The following CPNE4 variants were observed in gnomAD, a reference collection of about 807,000 sequenced individuals.
CPNE4 encodes copine-4.
A neutral mutation model predicts 67.9 loss-of-function variants in CPNE4; 25 were observed. The ratio of observed to expected loss-of-function variants is 0.37; its 90% CI spans 0.27 to 0.51. The LOEUF (loss-of-function observed/expected upper bound fraction) is 0.51, where lower values mean the gene tolerates loss of function less well. CPNE4 is among the 20% of genes least tolerant of loss of function. CPNE4 has a pLI of 0.93. For synonymous variants in CPNE4, 242 were observed against 244.9 expected (o/e 0.99, Z 0.11); for missense variants, 464 against 690.8 (o/e 0.67, Z 3.68).
chr3:131,907,482 C>T (rs1256014196), intron 1 of CPNE4, among the ~76,000 whole-genome samples: 1 of 136,308 alleles, frequency 7.3e-6, no homozygotes, highest in African/African-American at 2.8e-5. Flanking sequence ...GGCTATGCCT[C>T]AGCATTACGC....
Position 132,034,989 on chromosome 3 carries a change from T to A in CPNE4, c.-424A>T. ...CGGGTGGCGGGGAGATGGCAGCTTCTCACAGAGAGATTTCCACCTTCTGAC... is the reference window on the plus strand; with the variant it reads ...CGGGTGGCGGGGAGATGGCAGCTTCACACAGAGAGATTTCCACCTTCTGAC... On this transcript the variant is annotated 5_prime_UTR_variant, in exon 1 of 16. Transcript: ENST00000429747. 1 of 985,154 alleles carries A rather than the reference T, an allele frequency of 1.0e-6. No individual in the cohort carries two copies. Among genetic ancestry groups the A allele is most frequent in the Non-Finnish European group, 1.2e-6 (1 of 830,054 alleles). The allele number at this position is 985,154 out of a possible 1,614,324, so 61.0% of individuals were successfully genotyped here.
rs1399633464 is a variant in CPNE4, at chr3:131,669,708, A to G, written c.648T>C (p.Ser216=). The G allele has an allele frequency of 6.2e-7, 1 of 1,613,854 alleles. No homozygotes were observed. Among genetic ancestry groups the G allele is most frequent in the African/African-American group, 1.3e-5 (1 of 74,936 alleles). ...AWKSFKVSVN[S]LCSGDPDRRL... The stretch of plus-strand genomic sequence containing the variant: ...GGCGGTCTGGGTCTCCGCTGCATAG[A>G]GAATTTACAGATACTTTGAATGATT... Residue 216 remains serine, a synonymous_variant, in exon 7 of 16, where the codon TCT becomes TCC. Coordinates refer to ENST00000429747, the MANE Select transcript of CPNE4 (RefSeq NM_130808.3).
chr3:131,900,680 T>A (rs760021315), intron 2 of CPNE4, among the ~76,000 whole-genome samples: 23 of 152,210 alleles, frequency 1.5e-4, no homozygotes, highest in Non-Finnish European at 2.9e-4. Context: ...TGTTGCTTTT[T>A]CACAGAGCTA....
rs372786642 is a variant in CPNE4 at position 131,684,242 on chromosome 3, GC to G, written c.591+1632del. ...GATGATTAGTGGAGGCTTCTATTTG[GC>G]CATCTTGCTCTATTTCCCTCAAAAG... is the stretch of plus-strand genomic sequence containing the variant. On this transcript the variant is annotated intron_variant, in intron 6 of 15. Transcript: ENST00000429747. Among the ~76,000 whole-genome samples, 553 of 152,174 alleles carry G rather than the reference GC, an allele frequency of 3.6e-3. 5 individuals carry two copies. Among genetic ancestry groups the G allele is most frequent in the African/African-American group, 0.013 (526 of 41,504 alleles).
intron 2 of CPNE4, among the ~76,000 whole-genome samples, chr3:131,788,452 G>T (rs921926572): frequency 2.0e-5 from 3 of 152,068 alleles, no homozygotes; most frequent in African/African-American, 7.2e-5. Flanking sequence ...TTTTAAAACC[G>T]AGGGGAAAGT....
intron 13 of CPNE4, among the ~76,000 whole-genome samples, chr3:131,551,535 A>T (rs1936172826): frequency 6.6e-6 from 1 of 152,064 alleles, no homozygotes; most frequent in African/African-American, 2.4e-5. Flanking sequence ...TCTAATCCAT[A>T]ATAAACTGAG....
At chr3:131,613,147 G>A (rs1327249523) in intron 7 of CPNE4, among the ~76,000 whole-genome samples, 2 of 152,286 alleles carry the variant, frequency 1.3e-5, no homozygotes, top group Non-Finnish European at 2.9e-5. Flanking sequence ...TGAAAACAGA[G>A]TACATCTGAG....
At chr3:131,627,193 C>CAA (rs57977015) in intron 7 of CPNE4, among the ~76,000 whole-genome samples, 7,620 of 68,168 alleles carry the variant, frequency 0.11, 516 homozygotes, top group East Asian at 0.22. Context: ...GACTCCATCT[C>CAA]AAAAAAAAAA....
intron 7 of CPNE4, among the ~76,000 whole-genome samples, chr3:131,606,632 A>C (rs1238248755): frequency 6.6e-6 from 1 of 152,066 alleles, no homozygotes; most frequent in Non-Finnish European, 1.5e-5. Context: ...TTGGGCACAA[A>C]ATCATCAGGA....
intron 3 of CPNE4, among the ~76,000 whole-genome samples, chr3:131,708,971 T>G (rs1370006474): frequency 3.4e-5 from 3 of 89,282 alleles, no homozygotes; most frequent in African/African-American, 1.5e-4. Flanking sequence ...TATATATATA[T>G]ATATATATAT....
intron 7 of CPNE4, among the ~76,000 whole-genome samples, chr3:131,653,764 T>C (rs6766639): frequency 0.24 from 37,172 of 152,158 alleles, 5,809 homozygotes; most frequent in African/African-American, 0.45. Context: ...GTTCAAGTTC[T>C]TGGCTTAGAC....
chr3:132,034,551 G>C lies in CPNE4; in HGVS notation c.-2+16C>G. 4 of 978,272 alleles carry C rather than the reference G, an allele frequency of 4.1e-6. No homozygotes were observed. Among genetic ancestry groups the C allele is most frequent in the Non-Finnish European group, 4.9e-6 (4 of 823,410 alleles). The allele number at this position is 978,272 out of a possible 1,614,324, so 60.6% of individuals were successfully genotyped here. A position where few individuals can be genotyped will look rare whatever the true frequency, so the allele number is the denominator to read the frequency against. On this transcript the variant is annotated intron_variant, in intron 1 of 15. Transcript: ENST00000429747. ...CGCCCCAGGAACACAGGAATGAAGA[G>C]TTGGCATTTACTTACCTGGGTGTGC...
At chr3:131,567,420 AC>A (rs1371157062) in intron 10 of CPNE4, among the ~76,000 whole-genome samples, 1 of 152,000 alleles carries the variant, frequency 6.6e-6, no homozygotes, top group Non-Finnish European at 1.5e-5. Flanking sequence ...ATAGAAAAAA[AC>A]ATATCAGAGC....
chr3:131,831,226 A>G (rs2085356685), intron 2 of CPNE4, among the ~76,000 whole-genome samples: 1 of 152,146 alleles, frequency 6.6e-6, no homozygotes, highest in South Asian at 2.1e-4. Flanking sequence ...ATGGCACAGA[A>G]TGAATATTGA....
intron 10 of CPNE4, among the ~76,000 whole-genome samples, chr3:131,567,179 A>G (rs1937103927): frequency 6.6e-6 from 1 of 151,964 alleles, no homozygotes. Flanking sequence ...TCTTGATATA[A>G]AACTAGACAA....
chr3:131,729,170 T>C lies in CPNE4; in HGVS notation c.181-5545A>G, dbSNP rs2107757486. On this transcript the variant is annotated intron_variant, in intron 2 of 15. Coordinates refer to ENST00000429747, the MANE Select transcript of CPNE4 (RefSeq NM_130808.3). ...CAGGCCCTTATCATCCCATGGGTAA[T>C]AGGTCTTGGTAAAGAATGACATCAT... Among the ~76,000 whole-genome samples, 2 of 152,218 alleles carry C rather than the reference T, an allele frequency of 1.3e-5. 1 individual carries two copies. Among genetic ancestry groups the C allele is most frequent in the South Asian group, 4.1e-4 (2 of 4,826 alleles).
intron 7 of CPNE4, among the ~76,000 whole-genome samples, chr3:131,596,699 A>G (rs1393077592): frequency 6.6e-6 from 1 of 151,838 alleles, no homozygotes; most frequent in Admixed American, 6.6e-5. Context: ...GCCTGATACA[A>G]TTAATTGAAA....
intron 2 of CPNE4, among the ~76,000 whole-genome samples, chr3:131,754,995 G>A (rs907070762): frequency 2.0e-5 from 3 of 152,022 alleles, no homozygotes; most frequent in Non-Finnish European, 4.4e-5. Context: ...TGAGGGTGGT[G>A]GGGTCCGATA....
chr3:131,776,532 T>C (rs1270649433), intron 2 of CPNE4, among the ~76,000 whole-genome samples: 1 of 152,118 alleles, frequency 6.6e-6, no homozygotes, highest in African/African-American at 2.4e-5. Flanking sequence ...GAGAGTGTGA[T>C]TGTGGGAACT....
Sources: allele counts gnomAD v4.1 joint callset (sites outside exome capture counted in the v4.1 genomes callset), GRCh38; gene constraint gnomAD v4.1.1; transcripts MANE v1.5; gene names NCBI Gene and HGNC (gene_info 2026-07-23, HGNC 2026-07-21).